Variants in NUDCD1 observed in about 807,000 individuals in gnomAD.
The protein encoded by NUDCD1 is NudC domain containing 1, also known as nudC domain-containing protein 1.
NUDCD1 carries 60 observed loss-of-function variants against 67.8 expected under a neutral mutation model. That is an observed-to-expected ratio of 0.88 (90% confidence interval 0.72 to 1.10). The LOEUF (loss-of-function observed/expected upper bound fraction) is 1.10. NUDCD1 is among the 50% of genes least tolerant of loss of function. NUDCD1 has a pLI of 0.00. For missense variants in NUDCD1, 643 were observed against 695.0 expected (o/e 0.93, Z 0.84); for synonymous variants, 244 against 230.8 (o/e 1.06, Z -0.52).
intron 2 of NUDCD1, among the ~76,000 whole-genome samples, chr8:109,306,796 T>C (rs1815118221): frequency 6.6e-6 from 1 of 152,106 alleles, no homozygotes; most frequent in African/African-American, 2.4e-5. Context: ...TCACCAATCA[T>C]TCTATACGAC....
At chr8:109,300,554 A>T (rs1814962001) in intron 2 of NUDCD1, among the ~76,000 whole-genome samples, 1 of 152,186 alleles carries the variant, frequency 6.6e-6, no homozygotes, top group South Asian at 2.1e-4. Flanking sequence ...AAGACAATGG[A>T]AAAATAATAA....
At chr8:109,270,462 T>C (rs1180009089) in intron 8 of NUDCD1, among the ~76,000 whole-genome samples, 6 of 152,114 alleles carry the variant, frequency 3.9e-5, no homozygotes, top group Non-Finnish European at 1.5e-5. Context: ...TGGTAATCAA[T>C]TTGTCAGAGG....
At chr8:109,296,064 T>C (rs186420817) in intron 3 of NUDCD1, among the ~76,000 whole-genome samples, 34 of 152,244 alleles carry the variant, frequency 2.2e-4, no homozygotes, top group Admixed American at 2.0e-3. Context: ...TAACATAAGC[T>C]TTTGGTCAAC....
chr8:109,331,665 G>A (rs1338898513), intron 1 of NUDCD1, among the ~76,000 whole-genome samples: 2 of 152,114 alleles, frequency 1.3e-5, no homozygotes, highest in Admixed American at 6.5e-5. Flanking sequence ...AGTATTCAAT[G>A]GATTGTTTAT....
intron 8 of NUDCD1, among the ~76,000 whole-genome samples, chr8:109,258,599 T>C (rs1310116560): frequency 1.3e-5 from 2 of 152,024 alleles, no homozygotes; most frequent in Non-Finnish European, 2.9e-5. Context: ...TTTAAGATTC[T>C]AGAAGGAAAA....
intron 9 of NUDCD1, among the ~76,000 whole-genome samples, chr8:109,243,861 T>C (rs1531298): frequency 0.64 from 96,580 of 151,970 alleles, 32,139 homozygotes; most frequent in African/African-American, 0.84. Context: ...ACACTGTAAC[T>C]GGATTTTTTT....
intron 6 of NUDCD1, among the ~76,000 whole-genome samples, chr8:109,280,314 A>T (rs891533336): frequency 6.6e-6 from 1 of 152,146 alleles, no homozygotes; most frequent in Non-Finnish European, 1.5e-5. Context: ...GTGTCAAAAA[A>T]CTTTTTTATT....
At chr8:109,313,851 G>T (rs917936355) in intron 2 of NUDCD1, 2 of 1,101,448 alleles carry the variant, frequency 1.8e-6, no homozygotes, top group Non-Finnish European at 2.4e-6. Flanking sequence ...AGATAAATGG[G>T]TACAATATCC....
At chr8:109,328,468 T>C (rs1321059125) in intron 1 of NUDCD1, among the ~76,000 whole-genome samples, 1 of 152,096 alleles carries the variant, frequency 6.6e-6, no homozygotes, top group Non-Finnish European at 1.5e-5. Context: ...AGAGTCTGCC[T>C]CAAGTACTCA....
At position 109,289,805 on chromosome 8, in the gene NUDCD1, C is replaced by G. The variant is rs768227764; in HGVS notation, c.769G>C (p.Ala257Pro). 1.9e-6 allele frequency: 3 copies of G among 1,567,398 alleles called. No individual in the cohort carries two copies. Among genetic ancestry groups the G allele is most frequent in the Non-Finnish European group, 8.7e-7 (1 of 1,148,310 alleles). ...ATATTTTCTTCAAGATCTTGACCAG[C>G]CTGAACAAATGTTAAAGACTTGTAG... ...VSYKSLTFVQAGQDLEENMDE... is the reference protein window; with the variant it reads ...VSYKSLTFVQPGQDLEENMDE... The change falls in exon 5 of 10, where the codon GCT (alanine) becomes CCT (proline). Residue 257 changes from alanine (A) to proline (P), a missense_variant. Coordinates refer to ENST00000239690, the MANE Select transcript of NUDCD1 (RefSeq NM_032869.4).
chr8:109,254,232 C>T (rs1393269932), intron 8 of NUDCD1, among the ~76,000 whole-genome samples: 1 of 152,058 alleles, frequency 6.6e-6, no homozygotes, highest in African/African-American at 2.4e-5. Context: ...CCATTTAATT[C>T]AAATACCTTT....
intron 8 of NUDCD1, among the ~76,000 whole-genome samples, chr8:109,256,972 A>G (rs1221904398): frequency 6.6e-6 from 1 of 152,054 alleles, no homozygotes; most frequent in Non-Finnish European, 1.5e-5. Flanking sequence ...CCTCTTCATG[A>G]TAAAGAAAAA....
At chr8:109,247,832 C>T (rs1813533767) in intron 8 of NUDCD1, among the ~76,000 whole-genome samples, 1 of 152,092 alleles carries the variant, frequency 6.6e-6, no homozygotes, top group South Asian at 2.1e-4. Context: ...AATTATTTAT[C>T]ATATTATATT....
At chr8:109,329,898 T>C in intron 1 of NUDCD1, 3 of 1,542,260 alleles carry the variant, frequency 1.9e-6, no homozygotes, top group Non-Finnish European at 2.6e-6. Context: ...GAAAACATAC[T>C]GGATGCTACG....
intron 8 of NUDCD1, among the ~76,000 whole-genome samples, chr8:109,261,523 A>C (rs1030848884): frequency 6.6e-6 from 1 of 152,166 alleles, no homozygotes; most frequent in Non-Finnish European, 1.5e-5. Flanking sequence ...AAATTAACCT[A>C]TTATTAAGAG....
chr8:109,282,686 G>GGA (rs1814477007), intron 5 of NUDCD1, among the ~76,000 whole-genome samples: 9 of 142,178 alleles, frequency 6.3e-5, no homozygotes, highest in Admixed American at 1.5e-4. Context: ...TTGTCGGGGG[G>GGA]TGGGGGGCTA....
intron 1 of NUDCD1, among the ~76,000 whole-genome samples, chr8:109,330,616 G>A (rs1240543393): frequency 2.0e-5 from 3 of 152,124 alleles, no homozygotes; most frequent in South Asian, 2.1e-4. Context: ...AACCTCCACA[G>A]AGTCTGAGGT....
chr8:109,312,922 C>T (rs755652617), intron 2 of NUDCD1, among the ~76,000 whole-genome samples: 9 of 152,194 alleles, frequency 5.9e-5, no homozygotes, highest in Non-Finnish European at 1.2e-4. Context: ...ACAAATATGA[C>T]CAGGCCAATA....
chr8:109,266,392 A>ATTTTTTTTT (rs71305931), intron 8 of NUDCD1, among the ~76,000 whole-genome samples: 24 of 87,496 alleles, frequency 2.7e-4, no homozygotes, highest in East Asian at 3.3e-4. Context: ...TGCCCGGCTA[A>ATTTTTTTTT]TTTTTTTTTT....
Sources: gnomAD v4.1 joint callset for allele counts (sites outside exome capture counted in the v4.1 genomes callset) on GRCh38, gnomAD v4.1.1 for gene constraint, MANE v1.5 for transcripts, NCBI Gene and HGNC (gene_info 2026-07-23, HGNC 2026-07-21) for gene names.